The following CENPK variants were observed in gnomAD, a reference collection of about 807,000 sequenced individuals.
CENPK encodes the protein centromere protein K, also known as SoxLZ/Sox6-binding protein Solt.
A neutral mutation model predicts 40.9 loss-of-function variants in CENPK; 46 were observed. The observed-to-expected ratio is 1.13, with a 90% CI of 0.89 to 1.44. CENPK has a LOEUF of 1.44. Ranked by LOEUF, CENPK falls within the 40% of genes most tolerant of loss-of-function variation. The probability of loss-of-function intolerance (pLI) is 0.00; values close to 1 mark genes in which losing one functional copy is unlikely to be tolerated. For synonymous variants in CENPK, 107 were observed against 104.4 expected, an observed-to-expected ratio of 1.02 and a Z score of -0.15; for missense variants, 288 against 303.5, an observed-to-expected ratio of 0.95 and a Z score of 0.38.
At chr5:65,514,203 A>G (rs965593093), downstream of CENPK, among the ~76,000 whole-genome samples, 1 of 106,986 alleles carries the variant, frequency 9.3e-6, no homozygotes, top group Admixed American at 9.7e-5. Context: ...TAATTTTGTT[A>G]TCAGGGTAAT....
intron 5 of CENPK, among the ~76,000 whole-genome samples, chr5:65,544,253 T>C (rs536227729): frequency 6.6e-6 from 1 of 152,260 alleles, no homozygotes; most frequent in South Asian, 2.1e-4. Flanking sequence ...TCAACCTCTA[T>C]AAGAAGCTCA....
At chr5:65,502,126 T>G in the CENPK span, among the ~76,000 whole-genome samples, 1 of 151,836 alleles carries the variant, frequency 6.6e-6, no homozygotes, top group African/African-American at 2.4e-5. Context: ...TGGACAGGGG[T>G]GGTGGTAGGG....
At chr5:65,538,564 G>T (rs1384028433) in intron 6 of CENPK, among the ~76,000 whole-genome samples, 11 of 152,008 alleles carry the variant, frequency 7.2e-5, no homozygotes, top group Non-Finnish European at 1.0e-4. Context: ...TCAACACTTC[G>T]TTTAAATATT....
At chr5:65,558,139 A>G (rs545538652) in intron 2 of CENPK, among the ~76,000 whole-genome samples, 20 of 152,130 alleles carry the variant, frequency 1.3e-4, no homozygotes, top group African/African-American at 4.8e-4. Flanking sequence ...CAAACAAAAC[A>G]AACAAAAAGA....
At chr5:65,550,174 C>CAAAAA (rs56732964) in intron 5 of CENPK, among the ~76,000 whole-genome samples, 4 of 59,490 alleles carry the variant, frequency 6.7e-5, no homozygotes, top group Admixed American at 2.0e-4. Context: ...GACTCCATCT[C>CAAAAA]AAAAAAAAAA....
intron 9 of CENPK, among the ~76,000 whole-genome samples, chr5:65,522,505 T>C (rs1216782795): frequency 6.6e-6 from 1 of 152,192 alleles, no homozygotes; most frequent in Admixed American, 6.5e-5. Flanking sequence ...CATAGCCCAC[T>C]GCAGCCTCAA....
intron 5 of CENPK, among the ~76,000 whole-genome samples, chr5:65,544,601 T>C (rs1332529726): frequency 6.6e-6 from 1 of 152,182 alleles, no homozygotes; most frequent in Admixed American, 6.5e-5. Context: ...AGCACTCACA[T>C]TCACAGTAAT....
chr5:65,530,650 T>G (rs983115121), intron 6 of CENPK, among the ~76,000 whole-genome samples: 3 of 152,200 alleles, frequency 2.0e-5, no homozygotes, highest in Non-Finnish European at 4.4e-5. Context: ...TTACAAACCC[T>G]AAAGTAACTA....
At chr5:65,517,466 G>A (rs1742954018), downstream of CENPK, among the ~76,000 whole-genome samples, 1 of 152,068 alleles carries the variant, frequency 6.6e-6, no homozygotes, top group Non-Finnish European at 1.5e-5. Flanking sequence ...AAAGAGTTAC[G>A]TTCCCTAAAA....
Position 65,552,564 on chromosome 5 carries a change from TAAA to T in CENPK, c.112-18_112-16del. 1 of 1,510,068 alleles carries T rather than the reference TAAA, an allele frequency of 6.6e-7. No homozygotes were observed. Among genetic ancestry groups the T allele is most frequent in the Non-Finnish European group, 8.9e-7 (1 of 1,119,922 alleles). The allele number at this position is 1,510,068 out of a possible 1,614,324, so 93.5% of individuals were successfully genotyped here. ...TTATTCTGACACTTGATTTAAAAAG[TAAA>T]AAAAGGCAAGTCACACACGATAATT... On this transcript the variant is annotated splice_polypyrimidine_tract_variant and intron_variant, in intron 3 of 10. Coordinates refer to ENST00000396679, the MANE Select transcript of CENPK (RefSeq NM_022145.5).
chr5:65,505,181 A>C, the CENPK span, among the ~76,000 whole-genome samples: 1 of 152,050 alleles, frequency 6.6e-6, no homozygotes. Flanking sequence ...ATTCTTGAGT[A>C]ATACTTTAGC....
intron 6 of CENPK, 102 bp downstream of exon 6, chr5:65,542,700 G>T: frequency 2.5e-6 from 2 of 814,010 alleles, no homozygotes; most frequent in East Asian, 2.7e-5. Context: ...ATTTAATATG[G>T]TTTTAGAGTG....
chr5:65,529,249 A>G, intron 6 of CENPK, 50 bp from the exon 7 acceptor site: 4 of 1,230,932 alleles, frequency 3.2e-6, no homozygotes, highest in Non-Finnish European at 3.5e-6. Context: ...TCCCAGTTTT[A>G]TTTCTGAACG....
intron 9 of CENPK, among the ~76,000 whole-genome samples, chr5:65,522,593 T>C (rs1203763597): frequency 6.6e-6 from 1 of 152,062 alleles, no homozygotes; most frequent in African/African-American, 2.4e-5. Flanking sequence ...AGTAATGTTT[T>C]TGTTTATTTG....
intron 6 of CENPK, chr5:65,541,458 G>A (rs2150444679): frequency 2.2e-6 from 1 of 456,258 alleles, no homozygotes; most frequent in Middle Eastern, 3.3e-4. Flanking sequence ...TTGGTTGCTG[G>A]TGAGAATTCC....
rs1745315973 is a variant in CENPK, at chr5:65,529,371, G to A, written c.289-172C>T. ...ATATACAGTAGGCGCTAAATTTGTG[G>A]TAATATTCTATGGTTAAATTAAAAA... is the stretch of plus-strand genomic sequence containing the variant. On this transcript the variant is annotated intron_variant, in intron 6 of 10. Coordinates refer to ENST00000396679, the MANE Select transcript of CENPK (RefSeq NM_022145.5). 5.9e-6 allele frequency: 3 copies of A among 511,016 alleles called. No individual in the cohort carries two copies. The Admixed American group carries it at 1.1e-4, about 19-fold the overall frequency. 31.7% of individuals were successfully genotyped at this position (511,016 alleles called of 1,614,324 possible).
chr5:65,504,198 G>T, the CENPK span, among the ~76,000 whole-genome samples: 1 of 151,644 alleles, frequency 6.6e-6, no homozygotes, highest in African/African-American at 2.4e-5. Flanking sequence ...GCTCATGCCT[G>T]TAATCTCAGC....
chr5:65,498,509 A>G, the CENPK span, among the ~76,000 whole-genome samples: 1 of 152,114 alleles, frequency 6.6e-6, no homozygotes. Context: ...ATCAAATCAT[A>G]TATTTTGTTT....
At chr5:65,558,766 A>G (rs1049703885) in intron 2 of CENPK, among the ~76,000 whole-genome samples, 2 of 152,212 alleles carry the variant, frequency 1.3e-5, no homozygotes, top group African/African-American at 2.4e-5. Flanking sequence ...AAGAATGGCC[A>G]TAGGAATAAG....
Sources: allele counts gnomAD v4.1 joint callset (sites outside exome capture counted in the v4.1 genomes callset), GRCh38; gene constraint gnomAD v4.1.1; transcripts MANE v1.5; gene names NCBI Gene and HGNC (gene_info 2026-07-23, HGNC 2026-07-21).